MTUS2: variants seen among roughly 807,000 people sequenced by gnomAD.
MTUS2 encodes the protein microtubule-associated tumor suppressor candidate 2.
MTUS2 carries 40 observed loss-of-function variants against 114.1 expected under a neutral mutation model. The observed-to-expected ratio is 0.35, with a 90% CI of 0.27 to 0.46. The LOEUF is 0.46. Among genes scored for constraint, MTUS2 ranks in the 20% least tolerant of loss-of-function variants. The pLI, the probability that MTUS2 is intolerant of heterozygous loss-of-function variation, is 1.00. For missense variants in MTUS2, 1,679 were observed against 1,705.4 expected (o/e 0.98, Z 0.27); for synonymous variants, 688 against 672.0 (o/e 1.02, Z -0.37).
intron 10 of MTUS2, among the ~76,000 whole-genome samples, chr13:29,483,479 C>T (rs907568114): frequency 3.9e-5 from 6 of 152,168 alleles, no homozygotes; most frequent in African/African-American, 1.2e-4. Flanking sequence ...GTTAGAACAC[C>T]GCTTCTCAGC....
intron 7 of MTUS2, among the ~76,000 whole-genome samples, chr13:29,348,352 A>T (rs1001170742): frequency 6.6e-6 from 1 of 150,996 alleles, no homozygotes; most frequent in African/African-American, 2.4e-5. Context: ...CATATCACTC[A>T]GCAAAGTGCA....
At chr13:29,148,661 G>C (rs1197238267) in intron 5 of MTUS2, among the ~76,000 whole-genome samples, 7 of 107,370 alleles carry the variant, frequency 6.5e-5, no homozygotes, top group Admixed American at 4.1e-4. Flanking sequence ...TGTATTTTTA[G>C]TAGAGACGGG....
At chr13:28,907,841 A>C (rs1845778) in intron 2 of MTUS2, among the ~76,000 whole-genome samples, 33,463 of 151,266 alleles carry the variant, frequency 0.22, 6,802 homozygotes, top group African/African-American at 0.52. Flanking sequence ...TTAGACAGAT[A>C]ATCGAGACAG....
At chr13:29,197,717 ATC>A (rs1239735329) in intron 5 of MTUS2, among the ~76,000 whole-genome samples, 1 of 152,082 alleles carries the variant, frequency 6.6e-6, no homozygotes, top group Non-Finnish European at 1.5e-5. Flanking sequence ...CCTCTCCAGC[ATC>A]TGTTGTTTCC....
intron 9 of MTUS2, among the ~76,000 whole-genome samples, chr13:29,477,181 A>G (rs776656379): frequency 6.6e-6 from 1 of 152,216 alleles, no homozygotes; most frequent in Non-Finnish European, 1.5e-5. Context: ...CTCAATGTAG[A>G]TAAAATTCTT....
intron 14 of MTUS2, 151 bp downstream of exon 14, chr13:29,498,688 G>A: frequency 1.8e-6 from 2 of 1,087,608 alleles, no homozygotes; most frequent in Non-Finnish European, 2.6e-6. Flanking sequence ...CCTTTCCCAG[G>A]AATCCAGGAG....
intron 2 of MTUS2, among the ~76,000 whole-genome samples, chr13:28,888,914 A>G (rs746925775): frequency 5.9e-5 from 9 of 152,204 alleles, no homozygotes; most frequent in Non-Finnish European, 1.3e-4. Context: ...GCAAAGGGTA[A>G]GGGACAACCC....
intron 11 of MTUS2, among the ~76,000 whole-genome samples, chr13:29,488,788 C>G (rs1327255124): frequency 6.6e-6 from 1 of 152,174 alleles, no homozygotes; most frequent in East Asian, 1.9e-4. Context: ...GTCTCCAGAT[C>G]TTTCTTTCTA....
intron 7 of MTUS2, among the ~76,000 whole-genome samples, chr13:29,330,387 C>G (rs1229332212): frequency 6.6e-6 from 1 of 152,086 alleles, no homozygotes; most frequent in Non-Finnish European, 1.5e-5. Context: ...CTGTTGGTTG[C>G]CTGTTCACTC....
intron 8 of MTUS2, among the ~76,000 whole-genome samples, chr13:29,426,692 G>A (rs906713412): frequency 1.3e-5 from 2 of 152,148 alleles, no homozygotes; most frequent in African/African-American, 4.8e-5. Context: ...TTCATCCTAA[G>A]ACGAATTTAG....
intron 9 of MTUS2, among the ~76,000 whole-genome samples, chr13:29,460,367 C>G (rs147900390): frequency 6.6e-6 from 1 of 152,244 alleles, no homozygotes; most frequent in African/African-American, 2.4e-5. Flanking sequence ...TTTGTTGGTT[C>G]TCCCCCAACC....
At chr13:28,823,123 A>T (rs540967638) in intron 1 of MTUS2, among the ~76,000 whole-genome samples, 1 of 152,240 alleles carries the variant, frequency 6.6e-6, no homozygotes, top group African/African-American at 2.4e-5. Context: ...AAGGAAAACT[A>T]TTGAAAGATG....
intron 5 of MTUS2, among the ~76,000 whole-genome samples, chr13:29,278,124 C>A (rs1481190514): frequency 2.0e-5 from 3 of 152,052 alleles, no homozygotes; most frequent in Non-Finnish European, 4.4e-5. Context: ...GAAAACAACA[C>A]CAACAAATTC....
chr13:29,153,911 G>T (rs1412727210), intron 5 of MTUS2, among the ~76,000 whole-genome samples: 1 of 152,182 alleles, frequency 6.6e-6, no homozygotes, highest in East Asian at 1.9e-4. Flanking sequence ...ATGTACCTCT[G>T]TACTCCCTGT....
intron 4 of MTUS2, among the ~76,000 whole-genome samples, chr13:29,047,671 G>C (rs1437620603): frequency 1.3e-5 from 2 of 152,004 alleles, no homozygotes; most frequent in East Asian, 3.9e-4. Flanking sequence ...CCGCCACCTC[G>C]CCCGGCTAAT....
chr13:29,430,570 AT>A (rs1207381466), intron 8 of MTUS2, among the ~76,000 whole-genome samples: 1 of 152,056 alleles, frequency 6.6e-6, no homozygotes, highest in East Asian at 1.9e-4. Context: ...TCACACCTAC[AT>A]TTCTTGTCTT....
At chr13:28,976,593 C>G (rs76306204) in intron 2 of MTUS2, among the ~76,000 whole-genome samples, 4,020 of 152,032 alleles carry the variant, frequency 0.026, 84 homozygotes, top group Middle Eastern at 0.054. Flanking sequence ...GGATGAGGAG[C>G]TACAGAATAA....
intron 2 of MTUS2, among the ~76,000 whole-genome samples, chr13:28,924,858 T>C (rs866824525): frequency 2.0e-5 from 3 of 152,078 alleles, no homozygotes; most frequent in Middle Eastern, 3.4e-3. Context: ...TGAGTATTAG[T>C]AGAGAAGCAG....
intron 6 of MTUS2, 86 bp downstream of exon 6, chr13:29,281,951 C>A: frequency 7.2e-7 from 1 of 1,394,158 alleles, no homozygotes; most frequent in Non-Finnish European, 9.7e-7. Flanking sequence ...CTGTGTACAT[C>A]AGTTATTTAG....
Sources: allele counts gnomAD v4.1 joint callset (sites outside exome capture counted in the v4.1 genomes callset), GRCh38; gene constraint gnomAD v4.1.1; transcripts MANE v1.5; gene names NCBI Gene and HGNC (gene_info 2026-07-23, HGNC 2026-07-21).